The following RPS6KA3 variants were observed in gnomAD, a reference collection of about 807,000 sequenced individuals.
The protein encoded by RPS6KA3 is ribosomal protein S6 kinase alpha-3.
Under a neutral mutation model 67.2 loss-of-function variants are expected in RPS6KA3, and 4 were observed. The observed-to-expected ratio is 0.06, with a 90% CI of 0.03 to 0.14. The LOEUF (loss-of-function observed/expected upper bound fraction) is 0.14, where lower values mean the gene tolerates loss of function less well. Among genes scored for constraint, RPS6KA3 ranks in the 10% least tolerant of loss-of-function variants. The probability of loss-of-function intolerance (pLI) is 1.00; values close to 1 mark genes in which losing one functional copy is unlikely to be tolerated. For synonymous variants in RPS6KA3, 182 were observed against 183.7 expected (o/e 0.99, Z 0.07); for missense variants, 204 against 559.0 (o/e 0.36, Z 6.40).
At chrX:20,218,207 T>A (rs2068904153) in intron 2 of RPS6KA3, among the ~76,000 whole-genome samples, 1 of 112,058 alleles carries the variant, frequency 8.9e-6, no homozygotes, top group Non-Finnish European at 1.9e-5. Context: ...TTAAATATAT[T>A]GCAAATTAAC....
At chrX:20,257,155 A>G (rs1253026686) in intron 1 of RPS6KA3, among the ~76,000 whole-genome samples, 1 of 111,855 alleles carries the variant, frequency 8.9e-6, no homozygotes, top group African/African-American at 3.3e-5. Context: ...TCAAGTTGAT[A>G]TACACAAAGT....
At chrX:20,245,584 A>T (rs750821348) in intron 1 of RPS6KA3, among the ~76,000 whole-genome samples, 43 of 112,130 alleles carry the variant, frequency 3.8e-4, no homozygotes, top group African/African-American at 5.8e-4. Context: ...AGTATCAATT[A>T]AAAAAATTGG....
intron 4 of RPS6KA3, among the ~76,000 whole-genome samples, chrX:20,201,396 C>G (rs192853675): frequency 1.8e-5 from 2 of 111,491 alleles, no homozygotes; most frequent in African/African-American, 6.5e-5. Context: ...GCCTCAGCCT[C>G]CCAAAGTGCT....
intron 2 of RPS6KA3, among the ~76,000 whole-genome samples, chrX:20,213,283 T>C (rs1441448705): frequency 8.9e-6 from 1 of 112,151 alleles, no homozygotes. Flanking sequence ...ACGCCTAGAC[T>C]TGAAAAAAAA....
chrX:20,158,387 AAGAGAG>A (rs60488991), intron 20 of RPS6KA3, among the ~76,000 whole-genome samples: 4 of 97,406 alleles, frequency 4.1e-5, no homozygotes, highest in African/African-American at 1.7e-4. Context: ...AAAAAAAAAA[AAGAGAG>A]AGAGAGAGAG....
At chrX:20,244,552 G>C (rs1416411062) in intron 1 of RPS6KA3, among the ~76,000 whole-genome samples, 1 of 112,031 alleles carries the variant, frequency 8.9e-6, no homozygotes, top group Non-Finnish European at 1.9e-5. Context: ...TCCATGAGGT[G>C]AGTTATTACG....
chrX:20,221,450 T>TA (rs773500042), intron 2 of RPS6KA3, among the ~76,000 whole-genome samples: 6 of 112,091 alleles, frequency 5.4e-5, no homozygotes, highest in Non-Finnish European at 1.1e-4. Flanking sequence ...GGAAAAAATT[T>TA]AAAAAAATCA....
intron 1 of RPS6KA3, among the ~76,000 whole-genome samples, chrX:20,263,584 T>A (rs1382570702): frequency 8.9e-6 from 1 of 111,735 alleles, no homozygotes; most frequent in Non-Finnish European, 1.9e-5. Context: ...CACCATGAGA[T>A]TCGTGTGAGG....
intron 1 of RPS6KA3, among the ~76,000 whole-genome samples, chrX:20,247,686 C>A (rs1251244354): frequency 9.3e-6 from 1 of 107,659 alleles, no homozygotes. Flanking sequence ...ACTTGGGAGG[C>A]TGAGGTAGGA....
chrX:20,208,666 C>G (rs1213057237), intron 3 of RPS6KA3, among the ~76,000 whole-genome samples: 1 of 111,237 alleles, frequency 9.0e-6, no homozygotes, highest in Non-Finnish European at 1.9e-5. Flanking sequence ...TGTAGTGAGC[C>G]GAGATCATGC....
In RPS6KA3 at chrX:20,234,827, C is replaced by T. The variant is rs780460867; in HGVS notation, c.70-13G>A. ...TTTGCTGTCCATTCTGTGAAAAGCA[C>T]AGCAAGCAGGAAGTTACCAAAACAG... On this transcript the variant is annotated splice_polypyrimidine_tract_variant and intron_variant, in intron 1 of 21. Coordinates refer to ENST00000379565, the MANE Select transcript of RPS6KA3 (RefSeq NM_004586.3). 2.5e-6 allele frequency: 3 copies of T among 1,183,795 alleles called. No homozygotes were observed. The highest frequency in any genetic ancestry group is 1.8e-5 in the South Asian group (1 of 56,293).
At chrX:20,255,701 TCACTTGAACCCGGGAGGC>T in intron 1 of RPS6KA3, among the ~76,000 whole-genome samples, 1 of 62,198 alleles carries the variant, frequency 1.6e-5, no homozygotes, top group Non-Finnish European at 2.9e-5. Flanking sequence ...GGCAGGAGAA[TCACTTGAACCCGGGAGGC>T]AGAGGCTGCA....
intron 1 of RPS6KA3, among the ~76,000 whole-genome samples, chrX:20,262,012 T>C (rs1236388699): frequency 8.9e-6 from 1 of 112,112 alleles, no homozygotes; most frequent in Non-Finnish European, 1.9e-5. Context: ...CTTTAAAATG[T>C]GTTATCCACC....
intron 2 of RPS6KA3, among the ~76,000 whole-genome samples, chrX:20,223,778 T>G (rs56813658): frequency 0.017 from 1,926 of 112,154 alleles, 43 homozygotes; most frequent in African/African-American, 0.059. Flanking sequence ...GTTGTTATGA[T>G]GTTTTAATCT....
rs1431378578 is a variant in RPS6KA3, at chrX:20,187,877, C to A, written c.725G>T (p.Arg242Leu). 1 of 1,204,493 alleles carries A rather than the reference C, an allele frequency of 8.3e-7. No individual in the cohort carries two copies. Among genetic ancestry groups the A allele is most frequent in the Non-Finnish European group, 1.1e-6 (1 of 889,185 alleles). The change falls in exon 9 of 22, where the codon CGT (arginine) becomes CTT (leucine). Residue 242 changes from arginine (R) to leucine (L), a missense_variant. Arg to Leu is a moderately radical substitution (Grantham distance 102). Transcript: ENST00000379565. ...GTCAGCACTCTGAGTATGACCTCGA[C>A]GATTAACTACTTCTGGAGCCATATA... Reference protein sequence around the residue: ...VEYMAPEVVNRRGHTQSADWW... With the variant: ...VEYMAPEVVNLRGHTQSADWW...
In RPS6KA3 at chrX:20,150,110, A is replaced by G. The variant is rs2067079670; in HGVS notation, c.*5288T>C. On this transcript the variant is annotated 3_prime_UTR_variant, in exon 22 of 22. Transcript: ENST00000379565. Reference sequence around the variant, plus strand: ...GTAAAACAATTTAAAGTATTTAGTGATATTTGATCCTTTACAAGCATTTTA... The same window carrying G: ...GTAAAACAATTTAAAGTATTTAGTGGTATTTGATCCTTTACAAGCATTTTA... The G allele has an allele frequency of 1.8e-5, 2 of 113,231 alleles. No homozygotes were observed. Among genetic ancestry groups the G allele is most frequent in the South Asian group, 7.1e-4 (2 of 2,808 alleles). The allele number at this position is 113,231 out of a possible 1,213,427, so 9.3% of individuals were successfully genotyped here. A position where few individuals can be genotyped will look rare whatever the true frequency, so the allele number is the denominator to read the frequency against.
At chrX:20,159,455 A>G (rs1166490325) in intron 20 of RPS6KA3, among the ~76,000 whole-genome samples, 1 of 112,282 alleles carries the variant, frequency 8.9e-6, no homozygotes, top group East Asian at 2.8e-4. Flanking sequence ...CCTCCCTTCT[A>G]TCTTGTGGCT....
At chrX:20,248,593 C>T (rs2069769356) in intron 1 of RPS6KA3, among the ~76,000 whole-genome samples, 1 of 111,718 alleles carries the variant, frequency 9.0e-6, no homozygotes, top group Non-Finnish European at 1.9e-5. Flanking sequence ...CATTCTCCTG[C>T]CTCAGCCTCC....
At chrX:20,200,866 A>T (rs2068414164) in intron 4 of RPS6KA3, among the ~76,000 whole-genome samples, 1 of 110,500 alleles carries the variant, frequency 9.0e-6, no homozygotes, top group East Asian at 2.8e-4. Context: ...TATTTTTTGT[A>T]GAGATGAGGT....
Sources: allele counts gnomAD v4.1 joint callset (sites outside exome capture counted in the v4.1 genomes callset), GRCh38; gene constraint gnomAD v4.1.1; transcripts MANE v1.5; gene names NCBI Gene and HGNC (gene_info 2026-07-23, HGNC 2026-07-21).